The following C20orf202 variants were observed in gnomAD, a reference collection of about 807,000 sequenced individuals.
C20orf202 encodes chromosome 20 open reading frame 202.
Under a neutral mutation model 5.3 loss-of-function variants are expected in C20orf202, and 5 were observed. That is an observed-to-expected ratio of 0.94 (90% confidence interval 0.49 to 1.98). The LOEUF is 1.98. Among genes scored for constraint, C20orf202 ranks in the 30% most tolerant of loss-of-function variants. The probability of loss-of-function intolerance (pLI) is 0.01; values close to 1 mark genes in which losing one functional copy is unlikely to be tolerated. For missense variants in C20orf202, 135 were observed against 123.5 expected (o/e 1.09, Z -0.44); for synonymous variants, 48 against 50.0 (o/e 0.96, Z 0.16).
At chr20:1,204,218 T>C (rs953254379) in intron 1 of C20orf202, among the ~76,000 whole-genome samples, 1 of 151,974 alleles carries the variant, frequency 6.6e-6, no homozygotes, top group African/African-American at 2.4e-5. Flanking sequence ...GGGAGGAACA[T>C]AGGGTGTGGC....
rs1306963917 is a variant in C20orf202, at chr20:1,207,810, A to G, written c.*708A>G. 6.6e-6 allele frequency: 1 copy of G among 152,276 alleles called. No individual in the cohort carries two copies. The highest frequency in any genetic ancestry group is 1.5e-5 in the Non-Finnish European group (1 of 68,076). 9.4% of individuals were successfully genotyped at this position (152,276 alleles called of 1,614,324 possible). ...GACCTGTCTGCAGTAGGAAGGAAAGAGGCTAATCTCCAAAGAGAAGTAGAG... is the reference window on the plus strand; with the variant it reads ...GACCTGTCTGCAGTAGGAAGGAAAGGGGCTAATCTCCAAAGAGAAGTAGAG... On this transcript the variant is annotated 3_prime_UTR_variant, in exon 2 of 2. Transcript: ENST00000400633.
chr20:1,203,858 G>T (rs752467216), intron 1 of C20orf202, among the ~76,000 whole-genome samples: 1 of 152,128 alleles, frequency 6.6e-6, no homozygotes, highest in Non-Finnish European at 1.5e-5. Context: ...GAGGTGCTGG[G>T]TGTGGTGCTG....
In C20orf202 at chr20:1,207,148, A is replaced by G. The variant is rs2087136074; in HGVS notation, c.*46A>G. Reference sequence around the variant, plus strand: ...GCTTTAACACTCTCCCCATTAGTCTAACCTTTCACTGTGATATTTCAGGGG... The same window carrying G: ...GCTTTAACACTCTCCCCATTAGTCTGACCTTTCACTGTGATATTTCAGGGG... On this transcript the variant is annotated 3_prime_UTR_variant, in exon 2 of 2. Coordinates refer to ENST00000400633, the MANE Select transcript of C20orf202 (RefSeq NM_001394958.1). The G allele has an allele frequency of 1.6e-6, 2 of 1,268,736 alleles. No homozygotes were observed. The highest frequency in any genetic ancestry group is 1.8e-5 in the South Asian group (1 of 56,002). The allele number at this position is 1,268,736 out of a possible 1,614,324, so 78.6% of individuals were successfully genotyped here.
chr20:1,203,797 T>TTGTGCATTGTGTG, intron 1 of C20orf202, 146 bp downstream of exon 1: 3 of 895,704 alleles, frequency 3.3e-6, no homozygotes, highest in Non-Finnish European at 4.9e-6. Flanking sequence ...TACCACACAA[T>TTGTGCATTGTGTG]GCACAATTGT....
chr20:1,206,836 C>A (rs779964866), intron 1 of C20orf202, 33 bp from the exon 2 acceptor site: 15 of 1,396,386 alleles, frequency 1.1e-5, no homozygotes, highest in Non-Finnish European at 1.5e-5. Flanking sequence ...CAGGGCTCCA[C>A]GCATCCCCTC....
chr20:1,204,997 A>G (rs2087125495), intron 1 of C20orf202, among the ~76,000 whole-genome samples: 1 of 152,140 alleles, frequency 6.6e-6, no homozygotes. Flanking sequence ...CACAGAGTGA[A>G]TGTTTTCTGA....
intron 1 of C20orf202, among the ~76,000 whole-genome samples, chr20:1,204,150 T>C (rs747131145): frequency 2.6e-5 from 4 of 152,024 alleles, no homozygotes; most frequent in Non-Finnish European, 5.9e-5. Flanking sequence ...AGCAGAGGCT[T>C]GGACAAGGAT....
intron 1 of C20orf202, among the ~76,000 whole-genome samples, chr20:1,204,798 C>G (rs1403552982): frequency 6.6e-6 from 1 of 152,218 alleles, no homozygotes; most frequent in Non-Finnish European, 1.5e-5. Context: ...CCAGGGAATT[C>G]CAGCAGCAGG....
chr20:1,207,366 T>C lies in C20orf202; in HGVS notation c.*264T>C. 1 of 352,582 alleles carries C rather than the reference T, an allele frequency of 2.8e-6. No homozygotes were observed. Among genetic ancestry groups the C allele is most frequent in the Non-Finnish European group, 5.1e-6 (1 of 194,950 alleles). The allele number at this position is 352,582 out of a possible 1,614,324, so 21.8% of individuals were successfully genotyped here. On this transcript the variant is annotated 3_prime_UTR_variant, in exon 2 of 2. Coordinates refer to ENST00000400633, the MANE Select transcript of C20orf202 (RefSeq NM_001394958.1). Reference sequence around the variant, plus strand: ...TTTTCGACTGAAAACACAAATGTGCTCTAGTGCTCTGGCAAGCACCATGGC... The same window carrying C: ...TTTTCGACTGAAAACACAAATGTGCCCTAGTGCTCTGGCAAGCACCATGGC...
rs1368561550 is a variant in C20orf202 at position 1,206,835 on chromosome 20, A to G, written c.67-34A>G. 4 of 1,400,426 alleles carry G rather than the reference A, an allele frequency of 2.9e-6. No homozygotes were observed. The Admixed American group carries it at 9.3e-5, about 32-fold the overall frequency. The allele number at this position is 1,400,426 out of a possible 1,614,324, so 86.7% of individuals were successfully genotyped here. A position where few individuals can be genotyped will look rare whatever the true frequency, so the allele number is the denominator to read the frequency against. On this transcript the variant is annotated intron_variant, in intron 1 of 1. Transcript: ENST00000400633. ...TTGATGGGGAAACATCCAGGGCTCCACGCATCCCCTCACAGGCTCCTTCTC... is the reference window on the plus strand; with the variant it reads ...TTGATGGGGAAACATCCAGGGCTCCGCGCATCCCCTCACAGGCTCCTTCTC...
At position 1,207,097 on chromosome 20, in the gene C20orf202, C is replaced by A. The variant is rs1338427998; in HGVS notation, c.295C>A (p.Pro99Thr). Residue 99 changes from proline (P) to threonine (T), a missense_variant, in exon 2 of 2, where the codon CCT becomes ACT. Transcript: ENST00000400633. ...RGEDSRRSSL[P>T] is the part of the protein sequence containing the mutation. ...GGAAGACAGCAGACGAAGCTCTCTC[C>A]CTTAACTGGACGGAGATGACACTGG... 2 of 1,490,064 alleles carry A rather than the reference C, an allele frequency of 1.3e-6. No homozygotes were observed. Among genetic ancestry groups the A allele is most frequent in the Non-Finnish European group, 1.8e-6 (2 of 1,110,500 alleles). 92.3% of individuals were successfully genotyped at this position (1,490,064 alleles called of 1,614,324 possible).
At chr20:1,203,796 A>ATTG in intron 1 of C20orf202, 145 bp downstream of exon 1, 1 of 890,006 alleles carries the variant, frequency 1.1e-6, no homozygotes, top group Non-Finnish European at 1.7e-6. Flanking sequence ...CTACCACACA[A>ATTG]TGCACAATTG....
intron 1 of C20orf202, among the ~76,000 whole-genome samples, chr20:1,204,132 C>T (rs2087122100): frequency 6.6e-6 from 1 of 152,002 alleles, no homozygotes; most frequent in East Asian, 1.9e-4. Flanking sequence ...AGCCTGGGTC[C>T]CCTAGAAAGC....
rs567212461 is a variant in C20orf202, at chr20:1,205,177, C to T, written c.66+1526C>T. Among the ~76,000 whole-genome samples, 3 of 150,836 alleles carry T rather than the reference C, an allele frequency of 2.0e-5. No homozygotes were observed. The East Asian group carries it at 5.8e-4, about 29-fold the overall frequency. The stretch of plus-strand genomic sequence containing the variant: ...CTGGAGTGTAGTGGCACGATCTCGG[C>T]TCACTACAACCTCCGCCTCCTGGGT... On this transcript the variant is annotated intron_variant, in intron 1 of 1. Coordinates refer to ENST00000400633, the MANE Select transcript of C20orf202 (RefSeq NM_001394958.1).
rs887987547 is a variant in C20orf202, at chr20:1,207,037, G to A, written c.235G>A (p.Val79Ile). ...AGSEGRGCQP[V>I]CSRGLAQLLR... ...CTCCGAAGGCAGGGGCTGCCAGCCG[G>A]TTTGCTCAAGGGGTCTGGCCCAGCT... The change falls in exon 2 of 2, where the codon GTT becomes ATT. Residue 79 changes from valine to isoleucine, a missense_variant. Val to Ile is a conservative substitution (Grantham distance 29, BLOSUM62 3). Coordinates refer to ENST00000400633, the MANE Select transcript of C20orf202 (RefSeq NM_001394958.1). 3.2e-6 allele frequency: 5 copies of A among 1,549,210 alleles called. No individual in the cohort carries two copies. In the African/African-American group the frequency reaches 6.8e-5, roughly 21 times the overall value.
intron 1 of C20orf202, among the ~76,000 whole-genome samples, chr20:1,205,262 C>T (rs575710747): frequency 5.3e-5 from 8 of 152,138 alleles, no homozygotes; most frequent in East Asian, 1.9e-4. Context: ...CATGCCACCA[C>T]GGCTGGCTAA....
chr20:1,208,187 G>A lies in C20orf202; in HGVS notation c.*1085G>A, dbSNP rs1457102649. On this transcript the variant is annotated 3_prime_UTR_variant, in exon 2 of 2. Transcript: ENST00000400633. The stretch of plus-strand genomic sequence containing the variant: ...TACAGCAGAGACACTCAGTTGTGTG[G>A]GGTGCTGCAGTCATAACTGAAAAAT... 1.3e-5 allele frequency: 2 copies of A among 152,182 alleles called. No individual in the cohort carries two copies. The highest frequency in any genetic ancestry group is 4.8e-5 in the African/African-American group (2 of 41,438). The allele number at this position is 152,182 out of a possible 1,614,324, so 9.4% of individuals were successfully genotyped here. A position where few individuals can be genotyped will look rare whatever the true frequency, so the allele number is the denominator to read the frequency against.
In C20orf202 at chr20:1,203,564, G is replaced by A. The variant is rs2087118931; in HGVS notation, c.-22G>A. On this transcript the variant is annotated 5_prime_UTR_variant, in exon 1 of 2. Transcript: ENST00000400633. The stretch of plus-strand genomic sequence containing the variant: ...GGGCCCAGAACCAGGTCAGTGTCAA[G>A]GTCACTCCTAAGAACACTGAGATGA... 1 of 1,551,654 alleles carries A rather than the reference G, an allele frequency of 6.4e-7. No individual in the cohort carries two copies. Among genetic ancestry groups the A allele is most frequent in the Non-Finnish European group, 8.7e-7 (1 of 1,146,932 alleles).
rs185116681 is a variant in C20orf202, at chr20:1,207,096, C to T, written c.294C>T (p.Leu98=). The T allele has an allele frequency of 5.4e-6, 8 of 1,491,044 alleles. No homozygotes were observed. The highest frequency in any genetic ancestry group is 1.4e-5 in the African/African-American group (1 of 71,702). The allele number at this position is 1,491,044 out of a possible 1,614,324, so 92.4% of individuals were successfully genotyped here. The change falls in exon 2 of 2, where the codon CTC becomes CTT. Residue 98 remains leucine (L), a synonymous_variant. Coordinates refer to ENST00000400633, the MANE Select transcript of C20orf202 (RefSeq NM_001394958.1). The stretch of plus-strand genomic sequence containing the variant: ...GGGAAGACAGCAGACGAAGCTCTCT[C>T]CCTTAACTGGACGGAGATGACACTG... ...LRGEDSRRSS[L]P is the part of the protein sequence containing the mutation.
Sources: gnomAD v4.1 joint callset for allele counts (sites outside exome capture counted in the v4.1 genomes callset) on GRCh38, gnomAD v4.1.1 for gene constraint, MANE v1.5 for transcripts, NCBI Gene and HGNC (gene_info 2026-07-23, HGNC 2026-07-21) for gene names.